The following NR3C2 variants were observed in gnomAD, a reference collection of about 807,000 sequenced individuals.
NR3C2 encodes mineralocorticoid receptor.
NR3C2 carries 15 observed loss-of-function variants against 86.4 expected under a neutral mutation model. The ratio of observed to expected loss-of-function variants is 0.17; its 90% CI spans 0.12 to 0.27. The LOEUF is 0.27. NR3C2 is among the 10% of genes least tolerant of loss of function. The pLI is 1.00. For synonymous variants in NR3C2, 458 were observed against 450.5 expected, an observed-to-expected ratio of 1.02 and a Z score of -0.21; for missense variants, 960 against 1,195.6, an observed-to-expected ratio of 0.80 and a Z score of 2.91.
At chr4:148,188,580 C>G (rs944068384) in intron 4 of NR3C2, among the ~76,000 whole-genome samples, 1 of 152,070 alleles carries the variant, frequency 6.6e-6, no homozygotes, top group Non-Finnish European at 1.5e-5. Flanking sequence ...GTACATTATT[C>G]TTGTATCCGG....
chr4:148,341,671 T>C (rs920860195), intron 2 of NR3C2, among the ~76,000 whole-genome samples: 1 of 152,052 alleles, frequency 6.6e-6, no homozygotes, highest in Admixed American at 6.6e-5. Flanking sequence ...CCTGGTTTGA[T>C]CATTACACAT....
At chr4:148,082,665 G>GTT (rs11381991) in intron 8 of NR3C2, among the ~76,000 whole-genome samples, 15,555 of 130,758 alleles carry the variant, frequency 0.12, 1,151 homozygotes, top group African/African-American at 0.16. Flanking sequence ...GCTAGCTGCA[G>GTT]TTTTTTTTTT....
chr4:148,246,310 T>C (rs1334481623), intron 3 of NR3C2, among the ~76,000 whole-genome samples: 1 of 152,214 alleles, frequency 6.6e-6, no homozygotes, highest in Admixed American at 6.5e-5. Flanking sequence ...AATATCATAA[T>C]ACAATTACTA....
intron 2 of NR3C2, among the ~76,000 whole-genome samples, chr4:148,378,646 T>G (rs1746798826): frequency 6.6e-6 from 1 of 152,212 alleles, no homozygotes; most frequent in Admixed American, 6.5e-5. Flanking sequence ...ATGTAAGACG[T>G]GCCTGCTTCT....
rs546538379 is a variant in NR3C2 at position 148,233,676 on chromosome 4, C to T, written c.1897+26302G>A. 8.5e-5 allele frequency among the ~76,000 whole-genome samples: 13 copies of T among 152,122 alleles called. No homozygotes were observed. The South Asian group carries it at 1.2e-3, about 15-fold the overall frequency. ...TATGTTGTGTCTCAGGGAACAGCAA[C>T]GTCTGAGGAGAGGAAGAGAGATGGA... On this transcript the variant is annotated intron_variant, in intron 3 of 8. Coordinates refer to ENST00000358102, the MANE Select transcript of NR3C2 (RefSeq NM_000901.5).
At chr4:148,241,768 C>T (rs1279364489) in intron 3 of NR3C2, among the ~76,000 whole-genome samples, 1 of 152,210 alleles carries the variant, frequency 6.6e-6, no homozygotes, top group African/African-American at 2.4e-5. Flanking sequence ...CCAATGACAG[C>T]ATCTGACACC....
At chr4:148,136,089 A>C (rs1210315133) in intron 6 of NR3C2, among the ~76,000 whole-genome samples, 2 of 135,534 alleles carry the variant, frequency 1.5e-5, no homozygotes, top group Non-Finnish European at 3.3e-5. Flanking sequence ...AAAAAAAAAA[A>C]CACCACCAAA....
intron 2 of NR3C2, among the ~76,000 whole-genome samples, chr4:148,322,090 T>G (rs1238293380): frequency 5.3e-5 from 8 of 152,034 alleles, no homozygotes; most frequent in Admixed American, 6.5e-5. Context: ...ACAAAATCTC[T>G]CAGCATTTGC....
At chr4:148,157,546 G>A (rs189497124) in intron 4 of NR3C2, among the ~76,000 whole-genome samples, 66 of 152,220 alleles carry the variant, frequency 4.3e-4, no homozygotes, top group Admixed American at 2.1e-3. Flanking sequence ...TATGATGGAG[G>A]TAGTGGGGGA....
At chr4:148,134,300 T>C (rs1578920963) in intron 6 of NR3C2, among the ~76,000 whole-genome samples, 1 of 152,336 alleles carries the variant, frequency 6.6e-6, no homozygotes, top group East Asian at 1.9e-4. Flanking sequence ...TGACATTCAT[T>C]TCCCACAAAA....
At chr4:148,111,339 G>T (rs1465638468) in intron 8 of NR3C2, among the ~76,000 whole-genome samples, 1 of 152,214 alleles carries the variant, frequency 6.6e-6, no homozygotes, top group African/African-American at 2.4e-5. Context: ...GAGTTGGCAA[G>T]GGTATGGAGC....
At chr4:148,389,551 A>G (rs1747433450) in intron 2 of NR3C2, among the ~76,000 whole-genome samples, 1 of 152,078 alleles carries the variant, frequency 6.6e-6, no homozygotes. Context: ...TTTATCTCCT[A>G]GTATTACTTT....
At chr4:148,291,388 T>TA (rs766301842) in intron 2 of NR3C2, among the ~76,000 whole-genome samples, 1 of 152,118 alleles carries the variant, frequency 6.6e-6, no homozygotes, top group African/African-American at 2.4e-5. Flanking sequence ...TCTCTGTACT[T>TA]ACGTTTTAGT....
intron 2 of NR3C2, among the ~76,000 whole-genome samples, chr4:148,335,061 C>A (rs1262691002): frequency 6.6e-6 from 1 of 152,152 alleles, no homozygotes; most frequent in Non-Finnish European, 1.5e-5. Flanking sequence ...TCCAGTATGA[C>A]CTCATTGTAA....
At chr4:148,317,198 AAGTT>A (rs980699509) in intron 2 of NR3C2, among the ~76,000 whole-genome samples, 4 of 152,046 alleles carry the variant, frequency 2.6e-5, no homozygotes, top group African/African-American at 7.2e-5. Context: ...ATTCTCATAA[AAGTT>A]AGAGTAGAAA....
chr4:148,217,268 T>G (rs952142519), intron 3 of NR3C2, among the ~76,000 whole-genome samples: 1 of 152,178 alleles, frequency 6.6e-6, no homozygotes, highest in Non-Finnish European at 1.5e-5. Flanking sequence ...TTGCCAGACC[T>G]AACCTAGTGG....
chr4:148,112,250 T>C (rs555490917), intron 8 of NR3C2, among the ~76,000 whole-genome samples: 66 of 152,324 alleles, frequency 4.3e-4, no homozygotes, highest in Middle Eastern at 3.4e-3. Context: ...AAGTTTAACT[T>C]CTGTTGTAAG....
At chr4:148,258,853 G>GT (rs1367063807) in intron 3 of NR3C2, among the ~76,000 whole-genome samples, 1 of 152,172 alleles carries the variant, frequency 6.6e-6, no homozygotes, top group Non-Finnish European at 1.5e-5. Context: ...CCAGTTTGCT[G>GT]TATTTTCTAT....
rs1375693723 is a variant in NR3C2 at position 148,363,504 on chromosome 4, C to CTTTTTTTTTTTTTTTTTTTTT, written c.1757+71599_1757+71600insAAAAAAAAAAAAAAAAAAAAA. On this transcript the variant is annotated intron_variant, in intron 2 of 8. Transcript: ENST00000358102. ...ATTAAAGTCTAGACTTCTCATAGATCTCTTTTTTTTTTTTTTTGAGACGGA... is the reference window on the plus strand; with the variant it reads ...ATTAAAGTCTAGACTTCTCATAGATCTTTTTTTTTTTTTTTTTTTTTTCTTTTTTTTTTTTTTTGAGACGGA... 6.1e-3 allele frequency among the ~76,000 whole-genome samples: 424 copies of CTTTTTTTTTTTTTTTTTTTTT among 69,606 alleles called. 131 individuals carry two copies. The highest frequency in any genetic ancestry group is 8.9e-3 in the African/African-American group (149 of 16,730). 45.7% of individuals were successfully genotyped at this position (69,606 alleles called of 152,430 possible).
Sources: allele counts gnomAD v4.1 joint callset (sites outside exome capture counted in the v4.1 genomes callset), GRCh38; gene constraint gnomAD v4.1.1; transcripts MANE v1.5; gene names NCBI Gene and HGNC (gene_info 2026-07-23, HGNC 2026-07-21).